Variants in GRIK2 observed in about 807,000 individuals in gnomAD.
The protein encoded by GRIK2 is glutamate ionotropic receptor kainate type subunit 2, also known as glutamate receptor ionotropic, kainate 2.
GRIK2 carries 32 observed loss-of-function variants against 100.3 expected under a neutral mutation model. The ratio of observed to expected loss-of-function variants is 0.32; its 90% confidence interval spans 0.24 to 0.43. The LOEUF is 0.43. Among genes scored for constraint, GRIK2 ranks in the 20% least tolerant of loss-of-function variants. The pLI is 1.00. For synonymous variants in GRIK2, 417 were observed against 389.4 expected, an observed-to-expected ratio of 1.07 and a Z score of -0.83; for missense variants, 843 against 1,114.9, an observed-to-expected ratio of 0.76 and a Z score of 3.47.
intron 7 of GRIK2, among the ~76,000 whole-genome samples, chr6:101,686,937 T>C (rs913447400): frequency 6.6e-6 from 1 of 152,106 alleles, no homozygotes; most frequent in African/African-American, 2.4e-5. Flanking sequence ...CAAACAACTT[T>C]AGTTGTTTAT....
At chr6:101,702,922 T>C (rs538766918) in intron 7 of GRIK2, among the ~76,000 whole-genome samples, 2 of 151,890 alleles carry the variant, frequency 1.3e-5, no homozygotes, top group Non-Finnish European at 2.9e-5. Context: ...TGCCTTTCTT[T>C]CATAATTTGT....
At chr6:101,770,545 A>T (rs1778334812) in intron 7 of GRIK2, among the ~76,000 whole-genome samples, 1 of 152,204 alleles carries the variant, frequency 6.6e-6, no homozygotes, top group Admixed American at 6.5e-5. Context: ...CAAGTATAAA[A>T]CTCAGAAGTA....
At chr6:101,625,578 C>T (rs1456341400) in intron 3 of GRIK2, among the ~76,000 whole-genome samples, 1 of 151,976 alleles carries the variant, frequency 6.6e-6, no homozygotes, top group Non-Finnish European at 1.5e-5. Flanking sequence ...TAGGCCCAAG[C>T]TCGCTATTTG....
chr6:101,922,112 C>A (rs1789574191), intron 12 of GRIK2, among the ~76,000 whole-genome samples: 1 of 16,716 alleles, frequency 6.0e-5, no homozygotes, highest in African/African-American at 2.8e-4. Context: ...TCCTTCCTTC[C>A]TTCCTTCCTT....
chr6:101,590,217 C>A (rs1414326407), intron 2 of GRIK2, among the ~76,000 whole-genome samples: 1 of 152,052 alleles, frequency 6.6e-6, no homozygotes, highest in African/African-American at 2.4e-5. Flanking sequence ...GGCATCTCAG[C>A]TCCAAATCTA....
intron 5 of GRIK2, among the ~76,000 whole-genome samples, chr6:101,679,822 C>T (rs1303043895): frequency 6.6e-6 from 1 of 152,148 alleles, no homozygotes; most frequent in Non-Finnish European, 1.5e-5. Flanking sequence ...TCACTGCAAC[C>T]TCTACCTTCT....
intron 12 of GRIK2, among the ~76,000 whole-genome samples, chr6:101,920,108 T>C (rs549901819): frequency 1.8e-4 from 28 of 152,086 alleles, no homozygotes; most frequent in African/African-American, 6.7e-4. Flanking sequence ...CATTAATTTA[T>C]AGTGAAGAAA....
chr6:101,660,088 C>T (rs1769502226), intron 4 of GRIK2, among the ~76,000 whole-genome samples: 1 of 152,136 alleles, frequency 6.6e-6, no homozygotes, highest in Non-Finnish European at 1.5e-5. Context: ...TTCCATTCTC[C>T]CCATCACTTT....
chr6:101,646,253 T>C (rs2518291), intron 4 of GRIK2, among the ~76,000 whole-genome samples: 36,158 of 151,834 alleles, frequency 0.24, 5,825 homozygotes, highest in African/African-American at 0.45. Flanking sequence ...GTCCAATAAC[T>C]ATATTCTGAC....
chr6:101,979,892 G>T (rs924642241), intron 14 of GRIK2, among the ~76,000 whole-genome samples: 1 of 151,924 alleles, frequency 6.6e-6, no homozygotes, highest in African/African-American at 2.4e-5. Context: ...CAGAGAGTAC[G>T]GTATGGGAAA....
chr6:101,485,116 A>G (rs1409298842), intron 2 of GRIK2, among the ~76,000 whole-genome samples: 1 of 152,210 alleles, frequency 6.6e-6, no homozygotes, highest in Non-Finnish European at 1.5e-5. Context: ...GAATAGGTCT[A>G]AGTATTAGTA....
intron 2 of GRIK2, among the ~76,000 whole-genome samples, chr6:101,523,629 AT>A (rs1774997334): frequency 2.6e-5 from 4 of 151,772 alleles, no homozygotes; most frequent in African/African-American, 7.2e-5. Context: ...ATCTACATTG[AT>A]TAAGTAGGTG....
intron 4 of GRIK2, among the ~76,000 whole-genome samples, chr6:101,672,324 T>C (rs997521004): frequency 6.6e-6 from 1 of 152,126 alleles, no homozygotes; most frequent in African/African-American, 2.4e-5. Context: ...GACTCAATTG[T>C]ATGGTCCTCC....
At chr6:101,667,749 A>T (rs1770137860) in intron 4 of GRIK2, among the ~76,000 whole-genome samples, 1 of 152,152 alleles carries the variant, frequency 6.6e-6, no homozygotes, top group Non-Finnish European at 1.5e-5. Context: ...AAACAATATA[A>T]TGGATATGAT....
chr6:101,778,741 G>A (rs1254670083), intron 7 of GRIK2, among the ~76,000 whole-genome samples: 1 of 152,034 alleles, frequency 6.6e-6, no homozygotes, highest in Non-Finnish European at 1.5e-5. Flanking sequence ...GTTTGGAATT[G>A]TTTGTTTCTA....
intron 7 of GRIK2, among the ~76,000 whole-genome samples, chr6:101,735,540 G>A (rs543160090): frequency 2.0e-4 from 31 of 152,280 alleles, no homozygotes; most frequent in African/African-American, 7.2e-4. Flanking sequence ...GTGGATGGCA[G>A]CAGGCAGAGA....
At chr6:101,618,123 C>T (rs986707263) in intron 2 of GRIK2, among the ~76,000 whole-genome samples, 1 of 151,240 alleles carries the variant, frequency 6.6e-6, no homozygotes, top group Non-Finnish European at 1.5e-5. Flanking sequence ...TTTAAAACAT[C>T]TTCTCTTAGC....
intron 14 of GRIK2, among the ~76,000 whole-genome samples, chr6:102,028,412 G>A (rs1291776844): frequency 2.6e-5 from 4 of 151,136 alleles, no homozygotes; most frequent in Non-Finnish European, 4.4e-5. Context: ...ACAAGCCTCG[G>A]CATTTTTATA....
intron 12 of GRIK2, among the ~76,000 whole-genome samples, chr6:101,905,111 A>C (rs1011805239): frequency 2.0e-4 from 30 of 151,732 alleles, no homozygotes; most frequent in African/African-American, 7.2e-4. Context: ...AATTCAGTTC[A>C]TATGTGAGTC....
Sources: allele counts gnomAD v4.1 joint callset (sites outside exome capture counted in the v4.1 genomes callset), GRCh38; gene constraint gnomAD v4.1.1; transcripts MANE v1.5; gene names NCBI Gene and HGNC (gene_info 2026-07-23, HGNC 2026-07-21).